Variants in ASB15 observed in about 807,000 individuals in gnomAD.
The protein encoded by ASB15 is ankyrin repeat and SOCS box protein 15.
Under a neutral mutation model 58.0 loss-of-function variants are expected in ASB15, and 54 were observed. The ratio of observed to expected loss-of-function variants is 0.93; its 90% CI spans 0.75 to 1.17. ASB15 has a LOEUF of 1.17. Among genes scored for constraint, ASB15 ranks in the 50% most tolerant of loss-of-function variants. The pLI, the probability that ASB15 is intolerant of heterozygous loss-of-function variation, is 0.00. For missense variants in ASB15, 680 were observed against 707.4 expected (o/e 0.96, Z 0.44); for synonymous variants, 249 against 262.4 (o/e 0.95, Z 0.50).
intron 11 of ASB15, among the ~76,000 whole-genome samples, chr7:123,631,576 G>C (rs937815432): frequency 6.6e-6 from 1 of 152,058 alleles, no homozygotes; most frequent in Non-Finnish European, 1.5e-5. Context: ...CCCGCATTGA[G>C]AGTAAAATCA....
chr7:123,607,728 C>G (rs1800218919), intron 2 of ASB15, among the ~76,000 whole-genome samples: 1 of 152,228 alleles, frequency 6.6e-6, no homozygotes, highest in Non-Finnish European at 1.5e-5. Context: ...CTCAGGCAAT[C>G]CACCTATCTC....
At chr7:123,592,214 GTCTA>G (rs1399323248) in intron 1 of ASB15, among the ~76,000 whole-genome samples, 2 of 152,028 alleles carry the variant, frequency 1.3e-5, no homozygotes, top group Admixed American at 6.6e-5. Context: ...CTTGCTAGCT[GTCTA>G]TCTATTTTGT....
In ASB15 at chr7:123,601,833, G is replaced by A. The variant is rs1799895885; in HGVS notation, c.-326G>A. 1 of 152,112 alleles carries A rather than the reference G, an allele frequency of 6.6e-6. No homozygotes were observed. The highest frequency in any genetic ancestry group is 2.4e-5 in the African/African-American group (1 of 41,438). 9.4% of individuals were successfully genotyped at this position (152,112 alleles called of 1,614,324 possible). On this transcript the variant is annotated 5_prime_UTR_variant, in exon 1 of 12. Transcript: ENST00000451215. The stretch of plus-strand genomic sequence containing the variant: ...GATACTTAATTTTAGATACACAGAA[G>A]CACACATTGGCTCCAGGGCACTTCC...
intron 1 of ASB15, among the ~76,000 whole-genome samples, chr7:123,589,379 G>A (rs138867493): frequency 6.6e-6 from 1 of 151,044 alleles, no homozygotes; most frequent in African/African-American, 2.4e-5. Context: ...GTGGAGGTTT[G>A]TTACATAGGT....
chr7:123,631,855 G>C (rs1802134172), intron 11 of ASB15, among the ~76,000 whole-genome samples: 1 of 152,090 alleles, frequency 6.6e-6, no homozygotes, highest in Admixed American at 6.5e-5. Context: ...GAGGCGAACG[G>C]ATCACGAGGT....
chr7:123,589,184 T>C (rs1319157107), intron 1 of ASB15, among the ~76,000 whole-genome samples: 1 of 151,808 alleles, frequency 6.6e-6, no homozygotes, highest in African/African-American at 2.4e-5. Context: ...CCTTCAGAAC[T>C]CTTAATATTT....
rs1584831823 is a variant in ASB15, at chr7:123,637,086, C to A, written c.*105C>A. ...CTTAATTGTAAAGTGTATTTAAATT[C>A]ATTGACAGTTTTATAGGTTATCATG... On this transcript the variant is annotated 3_prime_UTR_variant, in exon 12 of 12. Coordinates refer to ENST00000451215, the MANE Select transcript of ASB15 (RefSeq NM_001290258.2). 1.3e-6 allele frequency: 1 copy of A among 792,170 alleles called. No homozygotes were observed. The highest frequency in any genetic ancestry group is 2.0e-6 in the Non-Finnish European group (1 of 509,898). 49.1% of individuals were successfully genotyped at this position (792,170 alleles called of 1,614,324 possible).
chr7:123,629,202 G>A lies in ASB15; in HGVS notation c.1208G>A (p.Gly403Glu), dbSNP rs1584815364. The change falls in exon 10 of 12, where the codon GGA becomes GAA. Residue 403 changes from glycine to glutamate, a missense_variant. Coordinates refer to ENST00000451215, the MANE Select transcript of ASB15 (RefSeq NM_001290258.2). ...ATTGTCAGGCTGCTTCTCTCCCATG[G>A]AGCTAATGTCAATTGTTATTTTATG... is the stretch of plus-strand genomic sequence containing the variant. The part of the protein sequence containing the change: ...YEIVRLLLSH[G>E]ANVNCYFMHV... The A allele has an allele frequency of 2.5e-6, 4 of 1,613,762 alleles. No homozygotes were observed. The highest frequency in any genetic ancestry group is 3.4e-6 in the Non-Finnish European group (4 of 1,179,668).
chr7:123,590,053 C>T (rs1799490772), intron 1 of ASB15, among the ~76,000 whole-genome samples: 1 of 152,110 alleles, frequency 6.6e-6, no homozygotes, highest in Non-Finnish European at 1.5e-5. Context: ...TTTTGATTTG[C>T]ATTTCTCTGA....
In ASB15 at chr7:123,637,806, C is replaced by T. The variant is rs1204429112; in HGVS notation, c.*825C>T. 6.8e-6 allele frequency: 1 copy of T among 146,156 alleles called. No individual in the cohort carries two copies. The highest frequency in any genetic ancestry group is 2.1e-4 in the East Asian group (1 of 4,784). 9.1% of individuals were successfully genotyped at this position (146,156 alleles called of 1,614,324 possible). A position where few individuals can be genotyped will look rare whatever the true frequency, so the allele number is the denominator to read the frequency against. On this transcript the variant is annotated 3_prime_UTR_variant, in exon 12 of 12. Coordinates refer to ENST00000451215, the MANE Select transcript of ASB15 (RefSeq NM_001290258.2). ...GCTCTTTCTCTCATGTTCTCCTGAC[C>T]TATGTAGACAATTGGCCTCATGAAC... is the stretch of plus-strand genomic sequence containing the variant.
At chr7:123,618,384 G>A (rs900222326) in intron 7 of ASB15, among the ~76,000 whole-genome samples, 4 of 152,186 alleles carry the variant, frequency 2.6e-5, no homozygotes, top group African/African-American at 9.7e-5. Context: ...TAGGGACACA[G>A]GGTGGTGGAG....
At chr7:123,569,942 ATTATG>A (rs1248687528) in intron 1 of ASB15, among the ~76,000 whole-genome samples, 1 of 151,466 alleles carries the variant, frequency 6.6e-6, no homozygotes, top group Middle Eastern at 3.4e-3. Context: ...GATTGTTATT[ATTATG>A]TTTTTGACTA....
At chr7:123,578,713 T>C (rs983052397) in intron 1 of ASB15, among the ~76,000 whole-genome samples, 1 of 152,080 alleles carries the variant, frequency 6.6e-6, no homozygotes, top group Non-Finnish European at 1.5e-5. Flanking sequence ...CAGGGAGACA[T>C]TGAATGCACG....
intron 7 of ASB15, among the ~76,000 whole-genome samples, chr7:123,623,987 G>T (rs1801587880): frequency 7.8e-6 from 1 of 128,570 alleles, no homozygotes; most frequent in Admixed American, 7.7e-5. Flanking sequence ...AAGAAAGAAA[G>T]AAAGAAAGAG....
At position 123,637,759 on chromosome 7, in the gene ASB15, C is replaced by T. The variant is rs977170573; in HGVS notation, c.*778C>T. 6.6e-6 allele frequency: 1 copy of T among 150,912 alleles called. No individual in the cohort carries two copies. The highest frequency in any genetic ancestry group is 1.5e-5 in the Non-Finnish European group (1 of 67,904). 9.3% of individuals were successfully genotyped at this position (150,912 alleles called of 1,614,324 possible). A position where few individuals can be genotyped will look rare whatever the true frequency, so the allele number is the denominator to read the frequency against. On this transcript the variant is annotated 3_prime_UTR_variant, in exon 12 of 12. Transcript: ENST00000451215. ...GTCTTAATCATTTTGCTAGAGACTA[C>T]AAAATTTCCATCCAAAGCTCAGCTC... is the stretch of plus-strand genomic sequence containing the variant.
intron 3 of ASB15, among the ~76,000 whole-genome samples, chr7:123,610,476 CCT>C (rs1365829147): frequency 6.6e-6 from 1 of 152,152 alleles, no homozygotes; most frequent in African/African-American, 2.4e-5. Context: ...TTTAACATAG[CCT>C]ATCTGTAAAA....
In ASB15 at chr7:123,638,436, A is replaced by G. The variant is rs552177809; in HGVS notation, c.*1455A>G. ...AGGTTTTATTGTGTTTATTTTTCAA[A>G]AAGAGTCATTAAAAAATACCATCTA... On this transcript the variant is annotated 3_prime_UTR_variant, in exon 12 of 12. Transcript: ENST00000451215. 1.6e-4 allele frequency: 24 copies of G among 152,288 alleles called. No homozygotes were observed. The highest frequency in any genetic ancestry group is 5.3e-4 in the African/African-American group (22 of 41,560). 9.4% of individuals were successfully genotyped at this position (152,288 alleles called of 1,614,324 possible).
intron 3 of ASB15, among the ~76,000 whole-genome samples, chr7:123,611,356 G>A (rs2116479999): frequency 6.6e-6 from 1 of 152,124 alleles, no homozygotes; most frequent in Admixed American, 6.5e-5. Context: ...GTGCAGTGGC[G>A]CGATCTCGGC....
intron 3 of ASB15, among the ~76,000 whole-genome samples, chr7:123,613,108 C>T (rs975938568): frequency 1.3e-5 from 2 of 151,764 alleles, no homozygotes; most frequent in African/African-American, 4.8e-5. Context: ...ATATTAAGGC[C>T]ACTGATATAG....
Sources: allele counts gnomAD v4.1 joint callset (sites outside exome capture counted in the v4.1 genomes callset), GRCh38; gene constraint gnomAD v4.1.1; transcripts MANE v1.5; gene names NCBI Gene and HGNC (gene_info 2026-07-23, HGNC 2026-07-21).